Variants in DEAF1 observed in about 807,000 individuals in gnomAD.
DEAF1 encodes deformed epidermal autoregulatory factor 1 homolog.
In DEAF1, 53 loss-of-function variants were observed where a neutral mutation model predicts 58.9. The observed-to-expected ratio is 0.90, with a 90% CI of 0.72 to 1.13. The LOEUF is 1.13. Among genes scored for constraint, DEAF1 ranks in the 50% most tolerant of loss-of-function variants. DEAF1 has a pLI of 0.00. For missense variants in DEAF1, 685 were observed against 791.4 expected (o/e 0.87, Z 1.61); for synonymous variants, 385 against 340.4 (o/e 1.13, Z -1.44).
intron 9 of DEAF1, among the ~76,000 whole-genome samples, chr11:676,917 T>A (rs1203195171): frequency 6.6e-6 from 1 of 152,162 alleles, no homozygotes; most frequent in African/African-American, 2.4e-5. Flanking sequence ...CACACAGATT[T>A]GGAGCACAAA....
chr11:678,448 G>A (rs989359450), intron 9 of DEAF1: 1 of 457,086 alleles, frequency 2.2e-6, no homozygotes, highest in Non-Finnish European at 4.0e-6. Flanking sequence ...TGGTTTCTAG[G>A]GGCGTGCCCT....
intron 1 of DEAF1, chr11:702,829 G>T: frequency 9.8e-7 from 1 of 1,017,142 alleles, no homozygotes; most frequent in Admixed American, 2.9e-5. Flanking sequence ...CCCAGGCCCC[G>T]GAGGAACGTA....
At chr11:645,060 A>G (rs11246233) in intron 11 of DEAF1, among the ~76,000 whole-genome samples, 75,095 of 150,536 alleles carry the variant, frequency 0.5, 18,960 homozygotes, top group East Asian at 0.73. Flanking sequence ...CTACTCGGGA[A>G]GCTGAGGCAG....
upstream of DEAF1, chr11:697,609 G>A (rs1246952790): frequency 6.6e-6 from 1 of 152,208 alleles, no homozygotes; most frequent in African/African-American, 2.4e-5. Flanking sequence ...CACATTGGAA[G>A]TGTTTAAGAA....
At chr11:703,847 G>A (rs1398012846) in intron 1 of DEAF1, 2 of 1,236,210 alleles carry the variant, frequency 1.6e-6, no homozygotes, top group Admixed American at 4.1e-5. Context: ...GAGACTGCAG[G>A]AGAGAGAGCA....
chr11:676,612 C>G (rs1381118482), intron 9 of DEAF1, among the ~76,000 whole-genome samples: 2 of 152,118 alleles, frequency 1.3e-5, no homozygotes, highest in African/African-American at 4.8e-5. Flanking sequence ...TCAAGTGATT[C>G]GCCTGCCTCA....
At position 686,961 on chromosome 11, in the gene DEAF1, C is replaced by T. The variant is rs1064795813; in HGVS notation, c.701G>A (p.Trp234Ter). Reference protein sequence around the residue: ...RGRCIKQGENWYSPTEFEAMA... With the variant: ...RGRCIKQGEN ...GGCCTCAAACTCGGTGGGACTGTAC[C>T]AGTTCTCCCCCTGCTTGATGCACCG... is the stretch of plus-strand genomic sequence containing the variant. Residue 234 changes from tryptophan (W) to a stop codon, truncating the protein, a stop_gained, in exon 5 of 12, where the codon TGG becomes TAG. Coordinates refer to ENST00000382409, the MANE Select transcript of DEAF1 (RefSeq NM_021008.4). LOFTEE classifies it high-confidence loss of function. 2 of 1,614,200 alleles carry T rather than the reference C, an allele frequency of 1.2e-6. No homozygotes were observed. Among genetic ancestry groups the T allele is most frequent in the Admixed American group, 3.3e-5 (2 of 60,032 alleles).
At chr11:645,923 T>C (rs773867586) in intron 11 of DEAF1, among the ~76,000 whole-genome samples, 3 of 152,138 alleles carry the variant, frequency 2.0e-5, no homozygotes, top group Admixed American at 1.3e-4. Context: ...ACAGAGTTAT[T>C]CCCTAGAGAG....
At chr11:696,083 G>A (rs1217193211), upstream of DEAF1, among the ~76,000 whole-genome samples, 2 of 152,194 alleles carry the variant, frequency 1.3e-5, no homozygotes, top group Admixed American at 6.5e-5. Flanking sequence ...GGCAGGGTGG[G>A]TGCGGAGCGG....
chr11:687,654 C>T (rs1023567961), intron 4 of DEAF1, among the ~76,000 whole-genome samples: 2 of 152,150 alleles, frequency 1.3e-5, no homozygotes, highest in East Asian at 3.9e-4. Flanking sequence ...CCTGCCACCA[C>T]GCTCCACTAA....
intron 1 of DEAF1, among the ~76,000 whole-genome samples, chr11:692,857 A>AG (rs1471871405): frequency 2.0e-5 from 3 of 151,652 alleles, no homozygotes; most frequent in Admixed American, 1.3e-4. Flanking sequence ...CCGTCTCAAA[A>AG]AAAAAAAAAG....
chr11:669,353 T>G (rs1454843255), intron 10 of DEAF1, among the ~76,000 whole-genome samples: 2 of 151,992 alleles, frequency 1.3e-5, no homozygotes, highest in Non-Finnish European at 2.9e-5. Context: ...ATCTAGAAAA[T>G]CAACTGGGTG....
chr11:694,371 A>C, intron 1 of DEAF1: 8 of 107,156 alleles, frequency 7.5e-5, no homozygotes, highest in East Asian at 6.1e-4. Context: ...CGGGGCAGGT[A>C]GGGCAGGCCG....
At chr11:650,537 G>A (rs2133278389) in intron 11 of DEAF1, among the ~76,000 whole-genome samples, 1 of 152,110 alleles carries the variant, frequency 6.6e-6, no homozygotes, top group East Asian at 1.9e-4. Flanking sequence ...TTAAAAAATA[G>A]AAACAGGGTC....
intron 11 of DEAF1, chr11:646,508 C>G (rs1014078654): frequency 6.6e-6 from 1 of 152,252 alleles, no homozygotes; most frequent in East Asian, 1.9e-4. Flanking sequence ...CCCAGGAGTT[C>G]TAGATGCTTC....
chr11:691,063 T>C (rs1355218155), intron 2 of DEAF1, among the ~76,000 whole-genome samples: 2 of 152,236 alleles, frequency 1.3e-5, no homozygotes, highest in Admixed American at 6.5e-5. Context: ...GTTTTCTAAG[T>C]AGACAGCAGT....
intron 5 of DEAF1, among the ~76,000 whole-genome samples, chr11:685,792 G>A (rs370536990): frequency 2.0e-5 from 3 of 151,322 alleles, no homozygotes; most frequent in African/African-American, 7.3e-5. Flanking sequence ...GAGGCGGGTG[G>A]CTCACTTAAG....
At chr11:703,198 G>C in intron 1 of DEAF1, 1 of 1,545,702 alleles carries the variant, frequency 6.5e-7, no homozygotes. Context: ...TCCTGGGCCT[G>C]ACCAGTCCCC....
chr11:680,104 A>C, intron 7 of DEAF1: 1 of 476,722 alleles, frequency 2.1e-6, no homozygotes, highest in Non-Finnish European at 3.8e-6. Flanking sequence ...ACATAAAATA[A>C]AACTTTCAGT....
Sources: gnomAD v4.1 joint callset for allele counts (sites outside exome capture counted in the v4.1 genomes callset) on GRCh38, gnomAD v4.1.1 for gene constraint, MANE v1.5 for transcripts, NCBI Gene and HGNC (gene_info 2026-07-23, HGNC 2026-07-21) for gene names.